Variants in MYO1D observed in about 807,000 individuals in gnomAD.
MYO1D encodes myosin ID.
MYO1D carries 83 observed loss-of-function variants against 122.0 expected under a neutral mutation model. The observed-to-expected ratio is 0.68, with a 90% CI of 0.57 to 0.82. The LOEUF (loss-of-function observed/expected upper bound fraction) is 0.82. Among genes scored for constraint, MYO1D ranks in the 40% least tolerant of loss-of-function variants. The pLI is 0.00. For synonymous variants in MYO1D, 464 were observed against 446.9 expected, an observed-to-expected ratio of 1.04 and a Z score of -0.48; for missense variants, 1,157 against 1,269.5, an observed-to-expected ratio of 0.91 and a Z score of 1.35.
At chr17:32,860,108 A>G (rs1465854597) in intron 1 of MYO1D, among the ~76,000 whole-genome samples, 1 of 152,156 alleles carries the variant, frequency 6.6e-6, no homozygotes, top group Non-Finnish European at 1.5e-5. Flanking sequence ...CTTCCTCAGG[A>G]CATTACTGTG....
chr17:32,712,730 C>G (rs1300491825), intron 15 of MYO1D, among the ~76,000 whole-genome samples: 1 of 152,268 alleles, frequency 6.6e-6, no homozygotes, highest in African/African-American at 2.4e-5. Flanking sequence ...GAGCAACACA[C>G]AAAAATTAAT....
At chr17:32,509,927 T>C (rs1458587717) in intron 21 of MYO1D, 1 of 152,058 alleles carries the variant, frequency 6.6e-6, no homozygotes, top group African/African-American at 2.4e-5. Flanking sequence ...TGTAAAGGGG[T>C]CTTAGATTGG....
intron 21 of MYO1D, among the ~76,000 whole-genome samples, chr17:32,534,945 G>A (rs773102023): frequency 7.2e-5 from 11 of 152,120 alleles, no homozygotes; most frequent in East Asian, 1.9e-4. Flanking sequence ...GCCCAACTAC[G>A]TATAGAGAAT....
At chr17:32,783,971 A>G (rs943723271) in intron 1 of MYO1D, among the ~76,000 whole-genome samples, 6 of 152,196 alleles carry the variant, frequency 3.9e-5, no homozygotes, top group Non-Finnish European at 8.8e-5. Context: ...TACCGGGTCA[A>G]ACCCTGGGAA....
intron 21 of MYO1D, among the ~76,000 whole-genome samples, chr17:32,595,711 T>G (rs2087484982): frequency 1.3e-5 from 2 of 152,226 alleles, no homozygotes; most frequent in African/African-American, 4.8e-5. Context: ...AGCACTGTTT[T>G]GGGCACTAGG....
intron 12 of MYO1D, among the ~76,000 whole-genome samples, chr17:32,747,662 C>A (rs545874028): frequency 6.6e-6 from 1 of 152,028 alleles, no homozygotes; most frequent in East Asian, 1.9e-4. Flanking sequence ...CATGGTGAAA[C>A]CCCGTCTCCA....
intron 19 of MYO1D, among the ~76,000 whole-genome samples, chr17:32,649,280 C>A (rs2729344): frequency 0.57 from 86,886 of 151,934 alleles, 25,819 homozygotes; most frequent in Middle Eastern, 0.66. Flanking sequence ...GTTGTGCAGC[C>A]ATCACCACTA....
At chr17:32,582,870 C>A (rs1469464273) in intron 21 of MYO1D, among the ~76,000 whole-genome samples, 2 of 152,140 alleles carry the variant, frequency 1.3e-5, no homozygotes, top group Non-Finnish European at 2.9e-5. Context: ...TTCATGAATT[C>A]ACCCACATTA....
chr17:32,652,485 CTCT>C (rs1226620569), intron 19 of MYO1D, among the ~76,000 whole-genome samples: 1 of 151,966 alleles, frequency 6.6e-6, no homozygotes, highest in Non-Finnish European at 1.5e-5. Context: ...ATGTTACTGT[CTCT>C]TCTTGGATCA....
At chr17:32,762,884 AAAAAAAAAAAAGAC>A (rs1384643661) in intron 8 of MYO1D, among the ~76,000 whole-genome samples, 7 of 45,260 alleles carry the variant, frequency 1.5e-4, no homozygotes, top group African/African-American at 4.8e-4. Context: ...AAAAAAAAGA[AAAAAAAAAAAAGAC>A]AAAAAAACGG....
intron 21 of MYO1D, among the ~76,000 whole-genome samples, chr17:32,597,192 C>G (rs530246273): frequency 9.5e-4 from 144 of 152,280 alleles, no homozygotes; most frequent in Non-Finnish European, 1.8e-3. Flanking sequence ...CTAGCTGCCA[C>G]TTATTATTAA....
At chr17:32,773,109 C>T (rs2090135251) in intron 4 of MYO1D, among the ~76,000 whole-genome samples, 1 of 152,242 alleles carries the variant, frequency 6.6e-6, no homozygotes, top group Non-Finnish European at 1.5e-5. Context: ...GTGAGAAAGA[C>T]TGACTTACGA....
At chr17:32,724,847 G>A (rs1012713508) in intron 14 of MYO1D, among the ~76,000 whole-genome samples, 3 of 152,162 alleles carry the variant, frequency 2.0e-5, no homozygotes, top group Non-Finnish European at 2.9e-5. Context: ...ACTAAAAGAA[G>A]CAAAATTAAC....
intron 1 of MYO1D, among the ~76,000 whole-genome samples, chr17:32,861,419 C>T (rs180879056): frequency 1.3e-5 from 2 of 152,118 alleles, no homozygotes; most frequent in Admixed American, 6.5e-5. Flanking sequence ...AAATCTGCAC[C>T]CTATTCACGA....
intron 1 of MYO1D, among the ~76,000 whole-genome samples, chr17:32,807,905 C>A (rs1051887681): frequency 6.6e-6 from 1 of 152,156 alleles, no homozygotes. Context: ...TATTTGCATA[C>A]CTCATTTTCC....
intron 20 of MYO1D, among the ~76,000 whole-genome samples, chr17:32,614,983 T>C (rs535501880): frequency 6.6e-6 from 1 of 152,340 alleles, no homozygotes; most frequent in Admixed American, 6.5e-5. Context: ...ATCTTCCTAA[T>C]GGAGGCCCTA....
At chr17:32,849,513 T>C (rs12950181) in intron 1 of MYO1D, among the ~76,000 whole-genome samples, 1 of 150,990 alleles carries the variant, frequency 6.6e-6, no homozygotes, top group African/African-American at 2.5e-5. Flanking sequence ...ATGTCCTTTG[T>C]AGGGACATGG....
In MYO1D at chr17:32,603,816, C is replaced by T. The variant is rs972850364; in HGVS notation, c.2864+1271G>A. 7.2e-5 allele frequency among the ~76,000 whole-genome samples: 11 copies of T among 152,262 alleles called. No homozygotes were observed. The East Asian group carries it at 1.5e-3, about 21-fold the overall frequency. The stretch of plus-strand genomic sequence containing the variant: ...CTGGGATTACAGGCGTGAGCCACTG[C>T]GCCTGGCCACATTCTAAACTTTTTA... On this transcript the variant is annotated intron_variant, in intron 21 of 21. Transcript: ENST00000318217.
intron 12 of MYO1D, among the ~76,000 whole-genome samples, chr17:32,747,130 G>T (rs2089846010): frequency 6.6e-6 from 1 of 152,118 alleles, no homozygotes; most frequent in Non-Finnish European, 1.5e-5. Context: ...TTGACAGATG[G>T]TGTGATAATT....
Sources: allele counts gnomAD v4.1 joint callset (sites outside exome capture counted in the v4.1 genomes callset), GRCh38; gene constraint gnomAD v4.1.1; transcripts MANE v1.5; gene names NCBI Gene and HGNC (gene_info 2026-07-23, HGNC 2026-07-21).